Variants in CYP4X1 observed in about 807,000 individuals in gnomAD.
The protein encoded by CYP4X1 is cytochrome P450 4X1.
CYP4X1 carries 44 observed loss-of-function variants against 57.9 expected under a neutral mutation model. The ratio of observed to expected loss-of-function variants is 0.76; its 90% confidence interval spans 0.60 to 0.98. CYP4X1 has a LOEUF of 0.98. Among genes scored for constraint, CYP4X1 ranks in the 50% least tolerant of loss-of-function variants. CYP4X1 has a pLI of 0.00. For missense variants in CYP4X1, 532 were observed against 623.9 expected, an observed-to-expected ratio of 0.85 and a Z score of 1.57; for synonymous variants, 227 against 228.6, an observed-to-expected ratio of 0.99 and a Z score of 0.06.
At chr1:47,029,869 C>A in intron 1 of CYP4X1, 121 bp from the exon 2 acceptor site, 1 of 1,063,646 alleles carries the variant, frequency 9.4e-7, no homozygotes, top group East Asian at 2.4e-5. Flanking sequence ...TATGTCACTT[C>A]CAGAAAAGTC....
At chr1:47,052,307 A>T (rs1488328559), downstream of CYP4X1, among the ~76,000 whole-genome samples, 1 of 152,166 alleles carries the variant, frequency 6.6e-6, no homozygotes, top group Admixed American at 6.5e-5. Context: ...GCCACAGACA[A>T]TTTTGTTAAA....
At chr1:46,993,700 G>C in the CYP4X1 span, among the ~76,000 whole-genome samples, 311 of 151,944 alleles carry the variant, frequency 2.0e-3, 1 homozygote, top group African/African-American at 6.8e-3. Flanking sequence ...GCATTTTTTC[G>C]TGTGTCTTTT....
intron 8 of CYP4X1, among the ~76,000 whole-genome samples, chr1:47,042,516 A>G (rs747145837): frequency 1.5e-4 from 23 of 151,754 alleles, no homozygotes; most frequent in Non-Finnish European, 2.9e-4. Flanking sequence ...GTTATGAGTA[A>G]GTTCTTTAGT....
upstream of CYP4X1, among the ~76,000 whole-genome samples, chr1:47,021,142 CAAAAAAA>C (rs546594827): frequency 8.4e-5 from 4 of 47,450 alleles, no homozygotes; most frequent in Non-Finnish European, 1.0e-4. Context: ...GCAGGAATGC[CAAAAAAA>C]AAAAAAAAAA....
intron 1 of CYP4X1, among the ~76,000 whole-genome samples, chr1:47,026,802 C>T (rs1444788940): frequency 6.6e-6 from 1 of 152,156 alleles, no homozygotes; most frequent in Non-Finnish European, 1.5e-5. Context: ...ACTGCAACCT[C>T]CGCCTCTCGG....
chr1:47,018,041 A>G, the CYP4X1 span, among the ~76,000 whole-genome samples: 2 of 152,202 alleles, frequency 1.3e-5, no homozygotes, highest in Non-Finnish European at 2.9e-5. Context: ...GCCTACATCC[A>G]GTCACCAACT....
At position 47,044,508 on chromosome 1, in the gene CYP4X1, A is replaced by G. The variant is rs530581919; in HGVS notation, c.1074-1959A>G. Among the ~76,000 whole-genome samples, 6 of 150,712 alleles carry G rather than the reference A, an allele frequency of 4.0e-5. No individual in the cohort carries two copies. In the South Asian group the frequency reaches 1.3e-3, roughly 33 times the overall value. ...TAATAGTTTTGGCTTTTAACTTTAT[A>G]CTAGAGATAGAATTAATTAACATAC... On this transcript the variant is annotated intron_variant, in intron 8 of 11. Coordinates refer to ENST00000371901, the MANE Select transcript of CYP4X1 (RefSeq NM_178033.2).
intron 1 of CYP4X1, among the ~76,000 whole-genome samples, chr1:47,028,030 T>G (rs1315906630): frequency 1.3e-5 from 2 of 152,210 alleles, no homozygotes; most frequent in African/African-American, 4.8e-5. Context: ...AATAAATCCT[T>G]TGTTGAATGC....
chr1:47,026,849 C>T (rs1400754307), intron 1 of CYP4X1, among the ~76,000 whole-genome samples: 1 of 152,076 alleles, frequency 6.6e-6, no homozygotes, highest in Non-Finnish European at 1.5e-5. Context: ...TCCCAAGCAG[C>T]TGGGACTACA....
intron 10 of CYP4X1, among the ~76,000 whole-genome samples, chr1:47,048,876 G>C (rs1031852818): frequency 6.6e-6 from 1 of 152,236 alleles, no homozygotes; most frequent in Non-Finnish European, 1.5e-5. Flanking sequence ...GGAAGCTGGA[G>C]TATATGTCTC....
At chr1:47,030,424 T>A (rs970843752) in intron 2 of CYP4X1, among the ~76,000 whole-genome samples, 7 of 152,080 alleles carry the variant, frequency 4.6e-5, no homozygotes, top group South Asian at 2.1e-4. Context: ...GTTTTATGAC[T>A]TCAGTGTCAG....
At chr1:46,985,380 TA>T in the CYP4X1 span, among the ~76,000 whole-genome samples, 6 of 152,010 alleles carry the variant, frequency 3.9e-5, no homozygotes, top group African/African-American at 1.4e-4. Context: ...GGCTTATAGG[TA>T]AAACCCCCAT....
At chr1:46,966,340 G>A in the CYP4X1 span, among the ~76,000 whole-genome samples, 3 of 152,172 alleles carry the variant, frequency 2.0e-5, no homozygotes, top group Admixed American at 6.5e-5. Context: ...GTTGCTGTGT[G>A]GGCCTGAGTT....
the CYP4X1 span, among the ~76,000 whole-genome samples, chr1:46,986,608 G>GA: frequency 2.6e-5 from 4 of 152,036 alleles, no homozygotes; most frequent in African/African-American, 4.8e-5. Context: ...TGAAATGAAG[G>GA]AAAAAATGTT....
At position 47,047,291 on chromosome 1, in the gene CYP4X1, A is replaced by G. The variant is rs530075223; in HGVS notation, c.1207+691A>G. ...AGGGCTTATAGGAAGCAGAGGGGTCATGTGAGACATATTATCTGATTCAAT... is the reference window on the plus strand; with the variant it reads ...AGGGCTTATAGGAAGCAGAGGGGTCGTGTGAGACATATTATCTGATTCAAT... On this transcript the variant is annotated intron_variant, in intron 9 of 11. Coordinates refer to ENST00000371901, the MANE Select transcript of CYP4X1 (RefSeq NM_178033.2). Among the ~76,000 whole-genome samples, 48 of 152,330 alleles carry G rather than the reference A, an allele frequency of 3.2e-4. No homozygotes were observed. In the South Asian group the frequency reaches 4.8e-3, roughly 15 times the overall value.
the CYP4X1 span, among the ~76,000 whole-genome samples, chr1:46,975,576 C>T: frequency 6.6e-6 from 1 of 152,070 alleles, no homozygotes; most frequent in African/African-American, 2.4e-5. Context: ...CCTGCCCCTT[C>T]TTTCTAGCTG....
intron 2 of CYP4X1, among the ~76,000 whole-genome samples, 154 bp downstream of exon 2, chr1:47,030,285 G>A (rs1393555114): frequency 1.3e-5 from 2 of 152,148 alleles, no homozygotes; most frequent in Admixed American, 1.3e-4. Context: ...CAATACTGAA[G>A]GGGATTCCCA....
chr1:46,963,847 T>A, the CYP4X1 span, among the ~76,000 whole-genome samples: 4 of 152,248 alleles, frequency 2.6e-5, no homozygotes, highest in Non-Finnish European at 5.9e-5. Context: ...GTTTTCCAAC[T>A]TGGTTCCATT....
chr1:47,043,099 C>T (rs1040073178), intron 8 of CYP4X1, among the ~76,000 whole-genome samples: 15 of 152,200 alleles, frequency 9.9e-5, no homozygotes, highest in Non-Finnish European at 1.9e-4. Context: ...TCCCTGTTCA[C>T]TGTATCCACA....
Sources: allele counts gnomAD v4.1 joint callset (sites outside exome capture counted in the v4.1 genomes callset), GRCh38; gene constraint gnomAD v4.1.1; transcripts MANE v1.5; gene names NCBI Gene and HGNC (gene_info 2026-07-23, HGNC 2026-07-21).